The following PSD3 variants were observed in gnomAD, a reference collection of about 807,000 sequenced individuals.
The protein encoded by PSD3 is PH and SEC7 domain-containing protein 3.
Under a neutral mutation model 105.5 loss-of-function variants are expected in PSD3, and 49 were observed. The ratio of observed to expected loss-of-function variants is 0.46; its 90% confidence interval spans 0.37 to 0.59. The LOEUF (loss-of-function observed/expected upper bound fraction) is 0.59, where lower values mean the gene tolerates loss of function less well. Among genes scored for constraint, PSD3 ranks in the 20% least tolerant of loss-of-function variants. The pLI, the probability that PSD3 is intolerant of heterozygous loss-of-function variation, is 0.00. For synonymous variants in PSD3, 557 were observed against 457.8 expected, an observed-to-expected ratio of 1.22 and a Z score of -2.77; for missense variants, 1,561 against 1,263.8, an observed-to-expected ratio of 1.24 and a Z score of -3.57.
chr8:18,652,552 T>TAGTG (rs1808588301), intron 10 of PSD3, among the ~76,000 whole-genome samples: 1 of 141,290 alleles, frequency 7.1e-6, no homozygotes, highest in South Asian at 2.3e-4. Context: ...GGCTGGGGTA[T>TAGTG]AGTGGCACAA....
chr8:18,712,434 G>A (rs965907056), intron 9 of PSD3, among the ~76,000 whole-genome samples: 1 of 151,888 alleles, frequency 6.6e-6, no homozygotes, highest in Non-Finnish European at 1.5e-5. Flanking sequence ...AATGATAAAG[G>A]GGTATCATCC....
intron 9 of PSD3, among the ~76,000 whole-genome samples, chr8:18,656,577 G>A (rs1287319923): frequency 1.3e-5 from 2 of 152,110 alleles, no homozygotes; most frequent in African/African-American, 4.8e-5. Flanking sequence ...GGTTGTGGCA[G>A]ATTGGATAAA....
At chr8:18,638,024 C>T (rs1290347901) in intron 10 of PSD3, among the ~76,000 whole-genome samples, 1 of 152,006 alleles carries the variant, frequency 6.6e-6, no homozygotes, top group African/African-American at 2.4e-5. Flanking sequence ...ACTGCAGTGG[C>T]AGGTGCCTGT....
chr8:18,996,271 C>A (rs547904332), intron 1 of PSD3, among the ~76,000 whole-genome samples: 1 of 151,902 alleles, frequency 6.6e-6, no homozygotes, highest in East Asian at 1.9e-4. Context: ...GGAATCTGTG[C>A]CTCAGATGAG....
At chr8:18,913,963 G>T (rs1381234707) in intron 2 of PSD3, among the ~76,000 whole-genome samples, 1 of 152,074 alleles carries the variant, frequency 6.6e-6, no homozygotes, top group African/African-American at 2.4e-5. Flanking sequence ...CACAAACTCA[G>T]GCTCTAGGCC....
At chr8:19,016,911 C>A (rs79236153), upstream of PSD3, among the ~76,000 whole-genome samples, 14,499 of 152,102 alleles carry the variant, frequency 0.095, 858 homozygotes, top group Non-Finnish European at 0.14. Flanking sequence ...TTCATGAGAG[C>A]AGAGCCCTTA....
At chr8:18,740,690 G>A (rs1002260074) in intron 9 of PSD3, among the ~76,000 whole-genome samples, 6 of 152,104 alleles carry the variant, frequency 3.9e-5, no homozygotes, top group African/African-American at 1.4e-4. Flanking sequence ...TCAGTGAAAT[G>A]ACCCTACCAG....
intron 10 of PSD3, among the ~76,000 whole-genome samples, chr8:18,635,922 A>C (rs2130781480): frequency 6.6e-6 from 1 of 152,246 alleles, no homozygotes; most frequent in East Asian, 1.9e-4. Flanking sequence ...GGAGAGCATT[A>C]GGAAAAACAC....
intron 1 of PSD3, among the ~76,000 whole-genome samples, chr8:19,029,014 C>A (rs1163476490): frequency 6.6e-6 from 1 of 152,156 alleles, no homozygotes; most frequent in Non-Finnish European, 1.5e-5. Context: ...TCTTCCATTT[C>A]ATTGATCTAT....
chr8:18,547,431 T>C (rs1436933648), intron 15 of PSD3, among the ~76,000 whole-genome samples: 1 of 152,120 alleles, frequency 6.6e-6, no homozygotes, highest in Non-Finnish European at 1.5e-5. Context: ...CTGGTGGGGA[T>C]CTTTTGCTTA....
intron 4 of PSD3, chr8:18,849,284 A>G (rs1815371815): frequency 6.6e-6 from 1 of 152,144 alleles, no homozygotes; most frequent in East Asian, 1.9e-4. Context: ...ATCTTCCCAC[A>G]CCATCTATCA....
At chr8:18,979,030 C>T (rs4921977) in intron 1 of PSD3, among the ~76,000 whole-genome samples, 2 of 151,950 alleles carry the variant, frequency 1.3e-5, no homozygotes, top group African/African-American at 4.8e-5. Context: ...TCACTATAAT[C>T]CCTTTACCAC....
chr8:18,606,817 G>C (rs1298295610), intron 11 of PSD3, among the ~76,000 whole-genome samples: 1 of 152,196 alleles, frequency 6.6e-6, no homozygotes, highest in South Asian at 2.1e-4. Context: ...CACCTACACT[G>C]CAGCACTCTG....
At chr8:18,907,700 G>A (rs567684537) in intron 2 of PSD3, among the ~76,000 whole-genome samples, 2 of 152,156 alleles carry the variant, frequency 1.3e-5, no homozygotes, top group African/African-American at 2.4e-5. Flanking sequence ...AAACAAGGGC[G>A]AAATCGCCTG....
At chr8:18,660,128 C>T (rs958392501) in intron 9 of PSD3, among the ~76,000 whole-genome samples, 5 of 152,078 alleles carry the variant, frequency 3.3e-5, no homozygotes, top group Admixed American at 6.6e-5. Context: ...AGTTAAAGAA[C>T]TTGAGATGGG....
chr8:18,593,941 A>C (rs1803806195), intron 12 of PSD3, among the ~76,000 whole-genome samples: 1 of 107,374 alleles, frequency 9.3e-6, no homozygotes, highest in African/African-American at 3.9e-5. Flanking sequence ...ACTTGGACAC[A>C]GGAAGGGGAA....
chr8:18,674,949 T>A (rs1799988199), intron 9 of PSD3, among the ~76,000 whole-genome samples: 1 of 151,908 alleles, frequency 6.6e-6, no homozygotes, highest in Admixed American at 6.6e-5. Flanking sequence ...TACAGTGAGG[T>A]ATGTTCTTAC....
intron 1 of PSD3, among the ~76,000 whole-genome samples, chr8:19,052,177 GAA>G (rs1301782091): frequency 6.6e-6 from 1 of 152,112 alleles, no homozygotes; most frequent in Admixed American, 6.6e-5. Context: ...GTTCATTAAA[GAA>G]ATACAGAAAA....
intron 9 of PSD3, among the ~76,000 whole-genome samples, chr8:18,752,546 TTATA>T (rs1554489467): frequency 3.4e-4 from 6 of 17,732 alleles, no homozygotes; most frequent in African/African-American, 1.2e-3. Context: ...ATTATATATA[TTATA>T]TATAATTATA....
Sources: allele counts gnomAD v4.1 joint callset (sites outside exome capture counted in the v4.1 genomes callset), GRCh38; gene constraint gnomAD v4.1.1; transcripts MANE v1.5; gene names NCBI Gene and HGNC (gene_info 2026-07-23, HGNC 2026-07-21).